DISP1: variants seen among roughly 807,000 people sequenced by gnomAD.
DISP1 encodes the protein protein dispatched homolog 1.
A neutral mutation model predicts 37.3 loss-of-function variants in DISP1; 30 were observed. The observed-to-expected ratio is 0.80, with a 90% confidence interval of 0.60 to 1.09. The LOEUF is 1.09. Ranked by LOEUF, DISP1 falls within the 50% of genes least tolerant of loss-of-function variation. The probability of loss-of-function intolerance (pLI) is 0.00; values close to 1 mark genes in which losing one functional copy is unlikely to be tolerated. For missense variants in DISP1, 1,598 were observed against 1,879.5 expected (o/e 0.85, Z 2.77); for synonymous variants, 634 against 690.2 (o/e 0.92, Z 1.28).
chr1:222,852,468 A>G (rs893535495), intron 1 of DISP1, among the ~76,000 whole-genome samples: 2 of 152,062 alleles, frequency 1.3e-5, no homozygotes, highest in African/African-American at 2.4e-5. Context: ...TGGCCTCCCA[A>G]TGTGCTGGGA....
intron 1 of DISP1, among the ~76,000 whole-genome samples, chr1:222,855,948 A>G (rs1668526966): frequency 6.6e-6 from 1 of 151,292 alleles, no homozygotes; most frequent in Admixed American, 6.6e-5. Context: ...GAGCTAAACT[A>G]ACAGAACATT....
chr1:222,896,696 T>C (rs959694137), intron 1 of DISP1, among the ~76,000 whole-genome samples: 1 of 151,638 alleles, frequency 6.6e-6, no homozygotes, highest in African/African-American at 2.4e-5. Flanking sequence ...GTATCTAGAA[T>C]GTTAAAAGAA....
chr1:222,845,944 A>G (rs1452817269), intron 1 of DISP1, among the ~76,000 whole-genome samples: 1 of 152,146 alleles, frequency 6.6e-6, no homozygotes, highest in East Asian at 1.9e-4. Flanking sequence ...TTGATTGATG[A>G]AGTTCATTTT....
chr1:222,982,415 A>T (rs919761248), intron 3 of DISP1, among the ~76,000 whole-genome samples: 7 of 152,226 alleles, frequency 4.6e-5, no homozygotes, highest in Admixed American at 2.6e-4. Flanking sequence ...GGAAAAAAAT[A>T]ATCTGATAGG....
At chr1:222,849,681 C>T (rs1668116946) in intron 1 of DISP1, among the ~76,000 whole-genome samples, 1 of 152,116 alleles carries the variant, frequency 6.6e-6, no homozygotes. Flanking sequence ...CTTCTGTGTA[C>T]ACTTTTGAAA....
At chr1:222,992,261 T>C in intron 7 of DISP1, 151 bp downstream of exon 7, 1 of 692,282 alleles carries the variant, frequency 1.4e-6, no homozygotes, top group Non-Finnish European at 2.7e-6. Flanking sequence ...TAATTAACTT[T>C]TTCTTTTACT....
intron 1 of DISP1, among the ~76,000 whole-genome samples, chr1:222,905,773 A>G (rs1001682669): frequency 2.0e-5 from 3 of 152,178 alleles, no homozygotes; most frequent in African/African-American, 7.2e-5. Context: ...TAAGTCTTGG[A>G]TAACTTGTAT....
chr1:222,938,366 A>G (rs2609391), intron 2 of DISP1, among the ~76,000 whole-genome samples: 38,587 of 151,908 alleles, frequency 0.25, 5,128 homozygotes, highest in South Asian at 0.47. Context: ...TACTTCCTCT[A>G]TCTTATTCTT....
intron 1 of DISP1, among the ~76,000 whole-genome samples, chr1:222,887,480 G>GTTT (rs1670661811): frequency 3.1e-5 from 3 of 96,398 alleles, no homozygotes; most frequent in African/African-American, 7.5e-5. Context: ...ATGTCACATT[G>GTTT]TTTTTGTTTT....
intron 1 of DISP1, among the ~76,000 whole-genome samples, chr1:222,923,227 A>G (rs962659471): frequency 1.3e-5 from 2 of 152,164 alleles, no homozygotes; most frequent in African/African-American, 4.8e-5. Flanking sequence ...GTAAAGAGAC[A>G]TGGTGGTCAA....
At chr1:222,886,547 A>G (rs528604158) in intron 1 of DISP1, among the ~76,000 whole-genome samples, 1 of 152,372 alleles carries the variant, frequency 6.6e-6, no homozygotes, top group South Asian at 2.1e-4. Flanking sequence ...CTTGGTATAG[A>G]AGAAGACAAC....
At chr1:222,868,391 A>G (rs1669325362) in intron 1 of DISP1, among the ~76,000 whole-genome samples, 1 of 152,100 alleles carries the variant, frequency 6.6e-6, no homozygotes. Context: ...ATGTTTATAG[A>G]TATAATATTT....
intron 1 of DISP1, among the ~76,000 whole-genome samples, chr1:222,887,378 C>T (rs1572428696): frequency 6.6e-6 from 1 of 151,522 alleles, no homozygotes; most frequent in South Asian, 2.1e-4. Flanking sequence ...TAAAGAAACT[C>T]GTATTTTCTT....
chr1:222,870,546 A>G (rs1471849972), intron 1 of DISP1, among the ~76,000 whole-genome samples: 1 of 152,128 alleles, frequency 6.6e-6, no homozygotes, highest in Non-Finnish European at 1.5e-5. Context: ...GCCAGTGATG[A>G]TGAGCATTTT....
intron 1 of DISP1, among the ~76,000 whole-genome samples, chr1:222,908,263 G>A (rs1320412648): frequency 6.6e-6 from 1 of 152,172 alleles, no homozygotes; most frequent in Admixed American, 6.5e-5. Flanking sequence ...TGTGCCGAAG[G>A]ATCACTTGAA....
chr1:222,858,584 G>A (rs564671539), intron 1 of DISP1, among the ~76,000 whole-genome samples: 143 of 152,154 alleles, frequency 9.4e-4, no homozygotes, highest in Non-Finnish European at 1.8e-3. Context: ...CTATCCATCT[G>A]ATAAAGGTCT....
intron 1 of DISP1, among the ~76,000 whole-genome samples, chr1:222,855,893 C>A (rs1668521494): frequency 8.4e-6 from 1 of 119,010 alleles, no homozygotes; most frequent in Non-Finnish European, 1.8e-5. Context: ...GACCATCATT[C>A]TCCAGTTTCA....
At chr1:222,823,353 C>T (rs1298275452) in intron 1 of DISP1, among the ~76,000 whole-genome samples, 1 of 152,086 alleles carries the variant, frequency 6.6e-6, no homozygotes, top group East Asian at 1.9e-4. Flanking sequence ...TACTGTGCAG[C>T]TTAAAAAAGA....
At chr1:222,933,388 A>G (rs545384664) in intron 2 of DISP1, among the ~76,000 whole-genome samples, 22 of 151,908 alleles carry the variant, frequency 1.4e-4, no homozygotes, top group Admixed American at 9.8e-4. Context: ...TTCATTTTCA[A>G]AGGTGGTGCT....
Sources: gnomAD v4.1 joint callset for allele counts (sites outside exome capture counted in the v4.1 genomes callset) on GRCh38, gnomAD v4.1.1 for gene constraint, MANE v1.5 for transcripts, NCBI Gene and HGNC (gene_info 2026-07-23, HGNC 2026-07-21) for gene names.